SERPINI1: variants seen among roughly 807,000 people sequenced by gnomAD.
SERPINI1 encodes serpin family I member 1.
A neutral mutation model predicts 41.1 loss-of-function variants in SERPINI1; 19 were observed. That is an observed-to-expected ratio of 0.46 (90% CI 0.32 to 0.68). The LOEUF (loss-of-function observed/expected upper bound fraction) is 0.68, where lower values mean the gene tolerates loss of function less well. SERPINI1 is among the 30% of genes least tolerant of loss of function. SERPINI1 has a pLI of 0.03. For synonymous variants in SERPINI1, 138 were observed against 156.6 expected (o/e 0.88, Z 0.89); for missense variants, 460 against 479.2 (o/e 0.96, Z 0.37).
At chr3:167,767,864 A>G (rs1726615672) in intron 1 of SERPINI1, among the ~76,000 whole-genome samples, 1 of 152,204 alleles carries the variant, frequency 6.6e-6, no homozygotes, top group Admixed American at 6.5e-5. Flanking sequence ...TCAAATTTGA[A>G]GGGATGAGGC....
chr3:167,756,356 G>T (rs1218240909), intron 1 of SERPINI1, among the ~76,000 whole-genome samples: 1 of 152,138 alleles, frequency 6.6e-6, no homozygotes, highest in Non-Finnish European at 1.5e-5. Context: ...AGAGTACAGT[G>T]GTGTGATCTC....
At chr3:167,785,874 A>G (rs1216397713) in intron 1 of SERPINI1, among the ~76,000 whole-genome samples, 1 of 152,242 alleles carries the variant, frequency 6.6e-6, no homozygotes, top group Non-Finnish European at 1.5e-5. Context: ...GACAGATACA[A>G]GTATCATACA....
intron 1 of SERPINI1, among the ~76,000 whole-genome samples, chr3:167,762,396 CTCTT>C (rs1237726534): frequency 6.6e-6 from 1 of 152,136 alleles, no homozygotes; most frequent in Non-Finnish European, 1.5e-5. Flanking sequence ...ACGAAGAAAA[CTCTT>C]TCTTGACTAC....
intron 5 of SERPINI1, among the ~76,000 whole-genome samples, chr3:167,805,061 C>T (rs1347899485): frequency 6.6e-6 from 1 of 151,934 alleles, no homozygotes; most frequent in African/African-American, 2.4e-5. Flanking sequence ...AATTGATACA[C>T]ATTTATATAT....
intron 1 of SERPINI1, among the ~76,000 whole-genome samples, chr3:167,759,709 C>T (rs1726317793): frequency 6.6e-6 from 1 of 151,838 alleles, no homozygotes; most frequent in Non-Finnish European, 1.5e-5. Context: ...TCACTAGAAG[C>T]CAAAAACTCA....
chr3:167,792,918 TA>T (rs1361419377), intron 4 of SERPINI1, 134 bp downstream of exon 4: 10 of 720,712 alleles, frequency 1.4e-5, no homozygotes, highest in Non-Finnish European at 1.9e-5. Flanking sequence ...GGCTCCATTT[TA>T]AAAACCCTCT....
chr3:167,743,549 A>G (rs770502931), intron 1 of SERPINI1, among the ~76,000 whole-genome samples: 3 of 152,132 alleles, frequency 2.0e-5, no homozygotes, highest in South Asian at 2.1e-4. Context: ...TTACATTTCT[A>G]TCATGTTACC....
chr3:167,795,576 G>A (rs1006621445), intron 5 of SERPINI1, among the ~76,000 whole-genome samples: 1 of 152,106 alleles, frequency 6.6e-6, no homozygotes, highest in African/African-American at 2.4e-5. Flanking sequence ...TTAGCCTTCA[G>A]GGTACACCTC....
intron 5 of SERPINI1, chr3:167,800,258 A>T (rs894217474): frequency 1.9e-4 from 28 of 146,330 alleles, no homozygotes; most frequent in Admixed American, 1.8e-3. Flanking sequence ...TTTGTTTCAT[A>T]TATAAAATAT....
chr3:167,777,115 C>T (rs187256699), intron 1 of SERPINI1, among the ~76,000 whole-genome samples: 298 of 152,194 alleles, frequency 2.0e-3, no homozygotes, highest in African/African-American at 6.9e-3. Flanking sequence ...AGTAGGGGCC[C>T]CCCTTATTCC....
chr3:167,818,820 T>C (rs2108573243), intron 6 of SERPINI1, among the ~76,000 whole-genome samples: 1 of 152,332 alleles, frequency 6.6e-6, no homozygotes, highest in African/African-American at 2.4e-5. Context: ...TGTTTCAAAG[T>C]GCCTACTGCA....
intron 1 of SERPINI1, among the ~76,000 whole-genome samples, chr3:167,785,236 G>A (rs1285079305): frequency 6.6e-6 from 1 of 151,946 alleles, no homozygotes; most frequent in East Asian, 1.9e-4. Context: ...GAGCGAGACT[G>A]TGTCTCAAAA....
chr3:167,793,748 GT>G (rs1397518359), intron 4 of SERPINI1, among the ~76,000 whole-genome samples: 1 of 150,946 alleles, frequency 6.6e-6, no homozygotes, highest in African/African-American at 2.4e-5. Flanking sequence ...GCAAGACCCT[GT>G]CTCTAAAATT....
intron 1 of SERPINI1, among the ~76,000 whole-genome samples, chr3:167,756,811 C>T (rs1044314527): frequency 6.6e-6 from 1 of 152,144 alleles, no homozygotes; most frequent in Non-Finnish European, 1.5e-5. Flanking sequence ...CAAAGAAGAC[C>T]AGAACATCTA....
intron 1 of SERPINI1, among the ~76,000 whole-genome samples, chr3:167,787,298 G>A (rs1213147940): frequency 6.6e-6 from 1 of 152,156 alleles, no homozygotes; most frequent in Non-Finnish European, 1.5e-5. Flanking sequence ...ATGATAAGAA[G>A]TATGGTATAG....
At chr3:167,755,068 T>G (rs915289520) in intron 1 of SERPINI1, among the ~76,000 whole-genome samples, 1 of 152,236 alleles carries the variant, frequency 6.6e-6, no homozygotes, top group African/African-American at 2.4e-5. Context: ...ATCCCATTCC[T>G]TCTTGACTTT....
At chr3:167,807,675 T>C (rs1344027886) in intron 6 of SERPINI1, among the ~76,000 whole-genome samples, 1 of 152,164 alleles carries the variant, frequency 6.6e-6, no homozygotes, top group East Asian at 1.9e-4. Context: ...TATCTCAATA[T>C]GTCCCATTGT....
chr3:167,761,851 CTA>C (rs1226029277), intron 1 of SERPINI1, among the ~76,000 whole-genome samples: 1 of 152,118 alleles, frequency 6.6e-6, no homozygotes, highest in Non-Finnish European at 1.5e-5. Context: ...TTTTCAATCT[CTA>C]TTTATTTTTC....
chr3:167,824,591 T>C (rs1210218567), intron 8 of SERPINI1, 29 bp downstream of exon 8: 1 of 1,422,572 alleles, frequency 7.0e-7, no homozygotes, highest in Non-Finnish European at 9.9e-7. Context: ...CAAAATTTTA[T>C]TTAATAGGTC....
Sources: gnomAD v4.1 joint callset for allele counts (sites outside exome capture counted in the v4.1 genomes callset) on GRCh38, gnomAD v4.1.1 for gene constraint, MANE v1.5 for transcripts, NCBI Gene and HGNC (gene_info 2026-07-23, HGNC 2026-07-21) for gene names.